The following PPP2R2B variants were observed in gnomAD, a reference collection of about 807,000 sequenced individuals.
The protein encoded by PPP2R2B is serine/threonine-protein phosphatase 2A 55 kDa regulatory subunit B beta isoform.
In PPP2R2B, 5 loss-of-function variants were observed where a neutral mutation model predicts 46.0. The ratio of observed to expected loss-of-function variants is 0.11; its 90% CI spans 0.06 to 0.23. The LOEUF (loss-of-function observed/expected upper bound fraction) is 0.23. Among genes scored for constraint, PPP2R2B ranks in the 10% least tolerant of loss-of-function variants. The pLI is 1.00. For missense variants in PPP2R2B, 367 were observed against 575.0 expected, an observed-to-expected ratio of 0.64 and a Z score of 3.70; for synonymous variants, 215 against 206.7, an observed-to-expected ratio of 1.04 and a Z score of -0.34.
chr5:147,055,229 TA>T (rs1342674430), intron 1 of PPP2R2B, among the ~76,000 whole-genome samples: 12 of 152,206 alleles, frequency 7.9e-5, no homozygotes, highest in African/African-American at 2.7e-4. Flanking sequence ...TGTACTAAGC[TA>T]ATTCTACTTT....
chr5:146,964,251 G>A (rs1752306615), intron 1 of PPP2R2B, among the ~76,000 whole-genome samples: 1 of 152,126 alleles, frequency 6.6e-6, no homozygotes, highest in Admixed American at 6.5e-5. Context: ...ACTGTTGTGT[G>A]AGCTGTTCAT....
At chr5:146,903,412 T>A (rs1399467876) in intron 1 of PPP2R2B, among the ~76,000 whole-genome samples, 1 of 121,892 alleles carries the variant, frequency 8.2e-6, no homozygotes, top group Non-Finnish European at 1.7e-5. Context: ...TTTTTTTTTT[T>A]AGAGACAGAA....
chr5:147,001,637 C>T (rs1186377322), intron 1 of PPP2R2B, among the ~76,000 whole-genome samples: 1 of 152,150 alleles, frequency 6.6e-6, no homozygotes, highest in Admixed American at 6.5e-5. Flanking sequence ...ATTTTGGTGA[C>T]CATGAAGGGA....
At position 146,589,245 on chromosome 5, in the gene PPP2R2B, C is replaced by T. The variant is rs985276729; in HGVS notation, c.*702G>A. 6.6e-6 allele frequency: 1 copy of T among 152,338 alleles called. No homozygotes were observed. The highest frequency in any genetic ancestry group is 1.9e-4 in the East Asian group (1 of 5,182). 9.4% of individuals were successfully genotyped at this position (152,338 alleles called of 1,614,324 possible). A position where few individuals can be genotyped will look rare whatever the true frequency, so the allele number is the denominator to read the frequency against. The stretch of plus-strand genomic sequence containing the variant: ...AAGCTCACTCTGGGAAGCACTGTGT[C>T]GAAAGTGCTCTCTTTCTGTCCCCTG... On this transcript the variant is annotated 3_prime_UTR_variant, in exon 10 of 10. Transcript: ENST00000394411.
intron 7 of PPP2R2B, among the ~76,000 whole-genome samples, chr5:146,629,778 TC>T (rs1320513481): frequency 3.4e-5 from 5 of 148,942 alleles, no homozygotes; most frequent in Non-Finnish European, 6.0e-5. Flanking sequence ...TTCTTTCCTT[TC>T]CCCTTTCCCC....
At chr5:146,715,361 A>G (rs902840060) in intron 2 of PPP2R2B, among the ~76,000 whole-genome samples, 7 of 152,222 alleles carry the variant, frequency 4.6e-5, no homozygotes, top group African/African-American at 1.7e-4. Flanking sequence ...CTTGGTCTCA[A>G]GACATTACAG....
At chr5:146,711,255 G>T (rs572232557) in intron 2 of PPP2R2B, among the ~76,000 whole-genome samples, 1 of 151,990 alleles carries the variant, frequency 6.6e-6, no homozygotes, top group Admixed American at 6.5e-5. Flanking sequence ...ATGCTCACAA[G>T]TCATCAAGCA....
upstream of PPP2R2B, among the ~76,000 whole-genome samples, chr5:146,882,143 G>A (rs1762187253): frequency 6.6e-6 from 1 of 152,114 alleles, no homozygotes; most frequent in Middle Eastern, 3.4e-3. Context: ...CAGGCATGGT[G>A]GCACGCGCCT....
chr5:146,834,992 T>C (rs1246974771), intron 2 of PPP2R2B, among the ~76,000 whole-genome samples: 1 of 152,202 alleles, frequency 6.6e-6, no homozygotes, highest in Non-Finnish European at 1.5e-5. Flanking sequence ...TTCCAGAGTA[T>C]AAATGTACCA....
intron 2 of PPP2R2B, among the ~76,000 whole-genome samples, chr5:147,070,946 T>C (rs1757573649): frequency 6.6e-6 from 1 of 151,980 alleles, no homozygotes; most frequent in South Asian, 2.1e-4. Context: ...TCCGAGATTA[T>C]GCCACTGCAC....
At chr5:146,944,454 C>A (rs926079972) in intron 1 of PPP2R2B, among the ~76,000 whole-genome samples, 41 of 152,160 alleles carry the variant, frequency 2.7e-4, no homozygotes, top group Admixed American at 2.7e-3. Context: ...TCAGAGAAAT[C>A]ACAAGATTAA....
chr5:146,989,697 A>G (rs1753600831), intron 1 of PPP2R2B, among the ~76,000 whole-genome samples: 1 of 152,084 alleles, frequency 6.6e-6, no homozygotes, highest in Non-Finnish European at 1.5e-5. Context: ...CAACACAAGA[A>G]TACCCACGTT....
chr5:146,664,129 C>T (rs955496946), intron 5 of PPP2R2B, among the ~76,000 whole-genome samples: 5 of 152,092 alleles, frequency 3.3e-5, no homozygotes, highest in African/African-American at 1.2e-4. Context: ...CATGAGCCAC[C>T]GCGCCTGGCT....
chr5:147,021,244 G>T (rs555259845), intron 1 of PPP2R2B, among the ~76,000 whole-genome samples: 65 of 152,062 alleles, frequency 4.3e-4, no homozygotes, highest in Non-Finnish European at 8.7e-4. Context: ...TCAGTTTGAA[G>T]GCCTTTGATG....
At chr5:147,042,470 T>C (rs1756359448) in intron 1 of PPP2R2B, among the ~76,000 whole-genome samples, 1 of 152,168 alleles carries the variant, frequency 6.6e-6, no homozygotes, top group South Asian at 2.1e-4. Context: ...CAAATCTTCA[T>C]TTTAAGCCAA....
rs1752531538 is a variant in PPP2R2B at position 146,736,253 on chromosome 5, G to A, written c.71-35111C>T. ...CCTCCCCAGCCATACTGAACTGTGAGTCAATTAAACCTCTTTCCTTTATAA... is the reference window on the plus strand; with the variant it reads ...CCTCCCCAGCCATACTGAACTGTGAATCAATTAAACCTCTTTCCTTTATAA... On this transcript the variant is annotated intron_variant, in intron 2 of 9. Coordinates refer to ENST00000394411, the MANE Select transcript of PPP2R2B (RefSeq NM_181675.4). 1.3e-5 allele frequency among the ~76,000 whole-genome samples: 2 copies of A among 152,168 alleles called. 1 individual carries two copies. The highest frequency in any genetic ancestry group is 1.3e-4 in the Admixed American group (2 of 15,272).
At chr5:146,806,093 G>A (rs887380830) in intron 2 of PPP2R2B, among the ~76,000 whole-genome samples, 5 of 152,188 alleles carry the variant, frequency 3.3e-5, no homozygotes, top group African/African-American at 4.8e-5. Flanking sequence ...TTTGGTGGAT[G>A]ACAAAATGAA....
chr5:147,059,645 A>C (rs1459779148), upstream of PPP2R2B, among the ~76,000 whole-genome samples: 1 of 152,210 alleles, frequency 6.6e-6, no homozygotes, highest in Non-Finnish European at 1.5e-5. Flanking sequence ...AGTGTGGCAG[A>C]GCAGAGTCCA....
chr5:146,951,251 T>G (rs554696765), intron 1 of PPP2R2B, among the ~76,000 whole-genome samples: 1 of 152,076 alleles, frequency 6.6e-6, no homozygotes, highest in African/African-American at 2.4e-5. Context: ...GTGTACAGTT[T>G]GATGGGTTTT....
Sources: gnomAD v4.1 joint callset for allele counts (sites outside exome capture counted in the v4.1 genomes callset) on GRCh38, gnomAD v4.1.1 for gene constraint, MANE v1.5 for transcripts, NCBI Gene and HGNC (gene_info 2026-07-23, HGNC 2026-07-21) for gene names.